Variants in CTPS1 observed in about 807,000 individuals in gnomAD.
The protein encoded by CTPS1 is CTP synthetase 1.
In CTPS1, 25 loss-of-function variants were observed where a neutral mutation model predicts 80.5. That is an observed-to-expected ratio of 0.31 (90% CI 0.23 to 0.43). The LOEUF is 0.43. CTPS1 is among the 20% of genes least tolerant of loss of function. CTPS1 has a pLI of 1.00. For missense variants in CTPS1, 442 were observed against 725.7 expected (o/e 0.61, Z 4.49); for synonymous variants, 267 against 252.5 (o/e 1.06, Z -0.54).
At chr1:40,998,696 A>C (rs1642825092) in intron 9 of CTPS1, among the ~76,000 whole-genome samples, 1 of 152,138 alleles carries the variant, frequency 6.6e-6, no homozygotes, top group African/African-American at 2.4e-5. Flanking sequence ...CTGGCCCATC[A>C]GCTGAAGCTT....
Position 40,984,808 on chromosome 1 carries a change from C to T in CTPS1, c.167-13C>T, listed in dbSNP as rs761124469. 1 of 1,505,596 alleles carries T rather than the reference C, an allele frequency of 6.6e-7. No homozygotes were observed. The highest frequency in any genetic ancestry group is 2.1e-5 in the Admixed American group (1 of 47,048). 93.3% of individuals were successfully genotyped at this position (1,505,596 alleles called of 1,614,324 possible). On this transcript the variant is annotated splice_polypyrimidine_tract_variant and intron_variant, in intron 2 of 18. Transcript: ENST00000650070. ...TTTTCACTTAACGTAAATGGTTTCTCTGTTCACTGCAGGTGAGGTTTTTGT... is the reference window on the plus strand; with the variant it reads ...TTTTCACTTAACGTAAATGGTTTCTTTGTTCACTGCAGGTGAGGTTTTTGT...
intron 5 of CTPS1, among the ~76,000 whole-genome samples, chr1:40,989,620 C>G (rs573678789): frequency 6.6e-6 from 1 of 152,154 alleles, no homozygotes; most frequent in Non-Finnish European, 1.5e-5. Flanking sequence ...GAGAAAGCAT[C>G]TGATAGGTAA....
At chr1:40,979,907 G>C (rs1296707755) in intron 1 of CTPS1, 78 bp downstream of exon 1, 2 of 152,244 alleles carry the variant, frequency 1.3e-5, no homozygotes, top group Non-Finnish European at 2.9e-5. Flanking sequence ...GCCCGGCGCC[G>C]AATAGCCCCG....
At chr1:40,984,063 G>T (rs1642388925) in intron 2 of CTPS1, among the ~76,000 whole-genome samples, 2 of 152,212 alleles carry the variant, frequency 1.3e-5, no homozygotes, top group South Asian at 4.1e-4. Context: ...CTCTAGCGTT[G>T]AGGTGAAAAT....
At chr1:40,998,554 G>A (rs1230333810) in intron 9 of CTPS1, among the ~76,000 whole-genome samples, 8 of 152,190 alleles carry the variant, frequency 5.3e-5, no homozygotes, top group Non-Finnish European at 1.0e-4. Flanking sequence ...TGGTGATGGT[G>A]CCTTCCTCCT....
chr1:40,996,533 T>G (rs986012716), intron 8 of CTPS1, among the ~76,000 whole-genome samples: 1 of 152,160 alleles, frequency 6.6e-6, no homozygotes, highest in Non-Finnish European at 1.5e-5. Flanking sequence ...CTCCACTACA[T>G]CCTTTTAAGG....
chr1:40,991,611 G>C (rs918240530), intron 6 of CTPS1, among the ~76,000 whole-genome samples, 154 bp from the exon 7 acceptor site: 1 of 152,154 alleles, frequency 6.6e-6, no homozygotes, highest in Non-Finnish European at 1.5e-5. Context: ...TTTGAAACGA[G>C]TCATAATATT....
chr1:40,988,549 A>G, intron 4 of CTPS1, 45 bp from the exon 5 acceptor site: 3 of 1,302,100 alleles, frequency 2.3e-6, no homozygotes, highest in Non-Finnish European at 3.3e-6. Flanking sequence ...AAACTGCCAG[A>G]GAAGGGTTTA....
chr1:40,984,787 C>T, intron 2 of CTPS1, 34 bp from the exon 3 acceptor site: 2 of 1,436,556 alleles, frequency 1.4e-6, no homozygotes, highest in Non-Finnish European at 1.9e-6. Flanking sequence ...AGGTATTTTT[C>T]ACTTAACGTA....
At chr1:40,980,188 G>A (rs1651803190) in intron 1 of CTPS1, 1 of 101,768 alleles carries the variant, frequency 9.8e-6, no homozygotes, top group Admixed American at 1.1e-4. Context: ...CCGTAGGGGA[G>A]TGGAGCGGCG....
rs912479847 is a variant in CTPS1 at position 41,007,664 on chromosome 1, G to C, written c.1393+119G>C. The stretch of plus-strand genomic sequence containing the variant: ...TTTTTTTGGTTTCGTTCTTGCTTTT[G>C]AAGTTCATTCTTTCCTCTCTTATTC... On this transcript the variant is annotated intron_variant, in intron 14 of 18. Transcript: ENST00000650070. This position sits in a 1 kb window ranked among gnomAD's most constrained non-coding sequence, Gnocchi z 4.4. The C allele has an allele frequency of 2.7e-6, 2 of 744,888 alleles. No individual in the cohort carries two copies. Among genetic ancestry groups the C allele is most frequent in the African/African-American group, 3.5e-5 (2 of 57,214 alleles). The allele number at this position is 744,888 out of a possible 1,614,324, so 46.1% of individuals were successfully genotyped here.
chr1:40,985,871 AAC>A lies in CTPS1; in HGVS notation c.337+883_337+884del, dbSNP rs1642438272. Among the ~76,000 whole-genome samples, 3 of 152,228 alleles carry A rather than the reference AAC, an allele frequency of 2.0e-5. No homozygotes were observed. In the South Asian group the frequency reaches 6.2e-4, roughly 31 times the overall value. ...TTTTCTGTAAAATGGAGACAATAACAACACCTACCTCTCTAGGTTGTTAGGAA... is the reference window on the plus strand; with the variant it reads ...TTTTCTGTAAAATGGAGACAATAACAACCTACCTCTCTAGGTTGTTAGGAA... On this transcript the variant is annotated intron_variant, in intron 3 of 18. Transcript: ENST00000650070.
intron 8 of CTPS1, 64 bp downstream of exon 8, chr1:40,996,132 C>G (rs1216061061): frequency 1.9e-6 from 3 of 1,570,322 alleles, no homozygotes; most frequent in Non-Finnish European, 2.6e-6. Context: ...GCTGGTGAAG[C>G]CGACTCTAGC....
chr1:40,993,222 T>G (rs558928038), intron 7 of CTPS1, among the ~76,000 whole-genome samples: 8 of 152,162 alleles, frequency 5.3e-5, no homozygotes, highest in South Asian at 2.1e-4. Flanking sequence ...AGCTAATTTT[T>G]GTATTTTTAG....
At chr1:41,005,986 A>G in intron 12 of CTPS1, 65 bp from the exon 13 acceptor site, 2 of 1,298,676 alleles carry the variant, frequency 1.5e-6, no homozygotes, top group South Asian at 2.4e-5. Context: ...TTTAGAGCTT[A>G]GCAATGAAAC....
chr1:40,997,671 G>A (rs917623161), intron 9 of CTPS1, 145 bp downstream of exon 9: 138 of 1,062,518 alleles, frequency 1.3e-4, no homozygotes, highest in Non-Finnish European at 1.8e-4. Context: ...AAGATTTGTG[G>A]TTGCTTCGTG....
intron 7 of CTPS1, among the ~76,000 whole-genome samples, chr1:40,993,597 C>T (rs1049385505): frequency 2.6e-5 from 4 of 152,174 alleles, no homozygotes; most frequent in Admixed American, 2.6e-4. Context: ...CTTCAGTCTT[C>T]CAAAATGTTG....
At chr1:41,010,031 T>G (rs1018636399) in intron 17 of CTPS1, 130 bp from the exon 18 acceptor site, 7 of 621,826 alleles carry the variant, frequency 1.1e-5, no homozygotes, top group Non-Finnish European at 2.0e-5. Flanking sequence ...AAATATATTA[T>G]GTAGCAAACA....
At chr1:40,995,358 A>G (rs570652901) in intron 7 of CTPS1, among the ~76,000 whole-genome samples, 12 of 151,020 alleles carry the variant, frequency 7.9e-5, no homozygotes, top group Non-Finnish European at 1.3e-4. Context: ...AGCTGGGACC[A>G]TGGGCACATG....
Sources: gnomAD v4.1 joint callset for allele counts (sites outside exome capture counted in the v4.1 genomes callset) on GRCh38, gnomAD v4.1.1 for gene constraint, Gnocchi (gnomAD v3.1) non-coding constraint, MANE v1.5 for transcripts, NCBI Gene and HGNC (gene_info 2026-07-23, HGNC 2026-07-21) for gene names.